Variants in CNP observed in about 807,000 individuals in gnomAD.
CNP encodes 2',3'-cyclic-nucleotide 3'-phosphodiesterase.
A neutral mutation model predicts 37.9 loss-of-function variants in CNP; 8 were observed. That is an observed-to-expected ratio of 0.21 (90% CI 0.12 to 0.38). The LOEUF is 0.38. CNP is among the 10% of genes least tolerant of loss of function. CNP has a pLI of 1.00. For synonymous variants in CNP, 237 were observed against 238.3 expected (o/e 0.99, Z 0.05); for missense variants, 457 against 551.0 (o/e 0.83, Z 1.71).
At position 41,968,611 on chromosome 17, in the gene CNP, A is replaced by G; in HGVS notation, c.547A>G (p.Lys183Glu). ...DLKKLKPGLEKDFLPLYFGWF... is the reference protein window; with the variant it reads ...DLKKLKPGLEEDFLPLYFGWF... ...GAAGAAGCTGAAGCCTGGGCTGGAG[A>G]AGGACTTCCTGCCGCTCTACTTCGG... The change falls in exon 2 of 4, where the codon AAG (lysine) becomes GAG (glutamate). Residue 183 changes from lysine (K) to glutamate (E), a missense_variant. Physicochemically the swap from Lys to Glu is moderately conservative, Grantham distance 56. Transcript: ENST00000393892. This position sits in a 1 kb window ranked among gnomAD's most constrained non-coding sequence, Gnocchi z 4.8. The G allele has an allele frequency of 6.2e-7, 1 of 1,614,022 alleles. No homozygotes were observed. Among genetic ancestry groups the G allele is most frequent in the Admixed American group, 1.7e-5 (1 of 60,004 alleles).
chr17:41,967,132 T>G, intron 1 of CNP: 2 of 387,346 alleles, frequency 5.2e-6, no homozygotes, highest in Non-Finnish European at 8.9e-6. Context: ...CAGAAGCTGC[T>G]GCGCCTCTGG....
chr17:41,977,392 G>A lies in CNP; in HGVS notation c.*3468G>A. ...AAATTAGAAATGTTCGAAGAGAACT[G>A]ATGACACTGAGAACAGATCTCCAAA... On this transcript the variant is annotated 3_prime_UTR_variant, in exon 4 of 4. Transcript: ENST00000393892. The A allele has an allele frequency of 7.3e-7, 1 of 1,364,252 alleles. No homozygotes were observed. The highest frequency in any genetic ancestry group is 1.0e-6 in the Non-Finnish European group (1 of 977,898). 84.5% of individuals were successfully genotyped at this position (1,364,252 alleles called of 1,614,324 possible). A position where few individuals can be genotyped will look rare whatever the true frequency, so the allele number is the denominator to read the frequency against.
In CNP at chr17:41,977,163, C is replaced by G. The variant is rs141817989; in HGVS notation, c.*3239C>G. 49 of 1,238,572 alleles carry G rather than the reference C, an allele frequency of 4.0e-5. No individual in the cohort carries two copies. The African/African-American group carries it at 4.1e-4, about 10-fold the overall frequency. The allele number at this position is 1,238,572 out of a possible 1,614,324, so 76.7% of individuals were successfully genotyped here. ...TGCTAGATGAGAATTCAGCTGCCCC[C>G]GCTCATGGGCCCCTCTGACTCCCAA... is the stretch of plus-strand genomic sequence containing the variant. On this transcript the variant is annotated 3_prime_UTR_variant, in exon 4 of 4. Coordinates refer to ENST00000393892, the MANE Select transcript of CNP (RefSeq NM_033133.5).
intron 2 of CNP, 160 bp from the exon 3 acceptor site, chr17:41,971,732 C>CT: frequency 1.1e-6 from 1 of 905,018 alleles, no homozygotes; most frequent in East Asian, 2.6e-5. Context: ...CTAAAGTTGC[C>CT]ATTAGTTTGA....
Position 41,973,693 on chromosome 17 carries a change from C to A in CNP, c.1035C>A (p.Gly345=), listed in dbSNP as rs2051026818. 1 of 1,613,212 alleles carries A rather than the reference C, an allele frequency of 6.2e-7. No homozygotes were observed. Among genetic ancestry groups the A allele is most frequent in the Admixed American group, 1.7e-5 (1 of 59,972 alleles). Residue 345 remains glycine (G), a synonymous_variant, in exon 4 of 4, where the codon GGC becomes GGA. Transcript: ENST00000393892. ...CTGACGTAGAGGCCGTGCAGACGGG[C>A]CTTGACCTCTTAGAGATTCTGCGGC... ...CAADVEAVQT[G]LDLLEILRQE...
intron 2 of CNP, among the ~76,000 whole-genome samples, chr17:41,969,150 A>G (rs896890081): frequency 3.3e-5 from 5 of 152,194 alleles, no homozygotes; most frequent in Non-Finnish European, 7.3e-5. Flanking sequence ...CAGCAGAATC[A>G]TGTTCCAAAA....
At chr17:41,973,256 G>A (rs1159773023) in intron 3 of CNP, among the ~76,000 whole-genome samples, 25 of 152,238 alleles carry the variant, frequency 1.6e-4, no homozygotes, top group Admixed American at 1.6e-3. Context: ...GTGTGGCCCT[G>A]TCTGAGCGCC....
In CNP at chr17:41,974,888, G is replaced by A. The variant is rs2051051207; in HGVS notation, c.*964G>A. ...TCTTGCCTCCATGGTGCCTCTGGAG[G>A]CCTCTGGGCCTCCTCTAACAGGGGC... On this transcript the variant is annotated 3_prime_UTR_variant, in exon 4 of 4. Transcript: ENST00000393892. 6.6e-6 allele frequency: 1 copy of A among 152,284 alleles called. No individual in the cohort carries two copies. Among genetic ancestry groups the A allele is most frequent in the East Asian group, 1.9e-4 (1 of 5,180 alleles). 9.4% of individuals were successfully genotyped at this position (152,284 alleles called of 1,614,324 possible).
In CNP at chr17:41,976,619, C is replaced by A; in HGVS notation, c.*2695C>A. On this transcript the variant is annotated 3_prime_UTR_variant, in exon 4 of 4. Coordinates refer to ENST00000393892, the MANE Select transcript of CNP (RefSeq NM_033133.5). ...GACACAGGGCATCCAACTGAGAAAA[C>A]GAAACTGCTCTAAGCACACGGAGAC... 7.2e-7 allele frequency: 1 copy of A among 1,396,094 alleles called. No homozygotes were observed. Among genetic ancestry groups the A allele is most frequent in the Admixed American group, 2.5e-5 (1 of 39,660 alleles). The allele number at this position is 1,396,094 out of a possible 1,614,324, so 86.5% of individuals were successfully genotyped here.
chr17:41,973,729 G>C lies in CNP; in HGVS notation c.1071G>C (p.Gly357=). Residue 357 remains glycine, a synonymous_variant, in exon 4 of 4, where the codon GGG becomes GGC. Transcript: ENST00000393892. The stretch of plus-strand genomic sequence containing the variant: ...TAGAGATTCTGCGGCAGGAGAAGGG[G>C]GGCAGCCGAGGCGAGGAGGTGGGCG... ...DLLEILRQEK[G]GSRGEEVGEL... is the part of the protein sequence containing the mutation. 1 of 1,611,860 alleles carries C rather than the reference G, an allele frequency of 6.2e-7. No individual in the cohort carries two copies. Among genetic ancestry groups the C allele is most frequent in the Non-Finnish European group, 8.5e-7 (1 of 1,178,624 alleles).
rs781890591 is a variant in CNP, at chr17:41,976,584, C to G, written c.*2660C>G. The G allele has an allele frequency of 2.6e-4, 260 of 998,198 alleles. 1 individual carries two copies. Among genetic ancestry groups the G allele is most frequent in the Admixed American group, 3.1e-4 (10 of 32,720 alleles). 61.8% of individuals were successfully genotyped at this position (998,198 alleles called of 1,614,324 possible). On this transcript the variant is annotated 3_prime_UTR_variant, in exon 4 of 4. Coordinates refer to ENST00000393892, the MANE Select transcript of CNP (RefSeq NM_033133.5). ...GGCATTGGTTCCCTTTGCTCCACCCCACTCACAGAGACACAGGGCATCCAA... is the reference window on the plus strand; with the variant it reads ...GGCATTGGTTCCCTTTGCTCCACCCGACTCACAGAGACACAGGGCATCCAA...
At position 41,976,650 on chromosome 17, in the gene CNP, GA is replaced by G; in HGVS notation, c.*2728del. ...TGCTCTAAGCACACGGAGACGTGAT[GA>G]AGGGAGGAGGTGAACTGTTTCCACA... is the stretch of plus-strand genomic sequence containing the variant. On this transcript the variant is annotated 3_prime_UTR_variant, in exon 4 of 4. Transcript: ENST00000393892. 1 of 1,551,852 alleles carries G rather than the reference GA, an allele frequency of 6.4e-7. No individual in the cohort carries two copies. Among genetic ancestry groups the G allele is most frequent in the Admixed American group, 1.9e-5 (1 of 52,472 alleles).
intron 2 of CNP, chr17:41,971,511 C>T: frequency 1.2e-5 from 2 of 172,940 alleles, no homozygotes; most frequent in Admixed American, 6.0e-5. Flanking sequence ...CAATTCTCTA[C>T]CTCAGCCTCC....
Position 41,971,873 on chromosome 17 carries a change from A to G in CNP, c.677-19A>G. The G allele has an allele frequency of 1.2e-6, 2 of 1,612,990 alleles. No homozygotes were observed. The highest frequency in any genetic ancestry group is 1.7e-6 in the Non-Finnish European group (2 of 1,179,606). On this transcript the variant is annotated intron_variant, in intron 2 of 3. Coordinates refer to ENST00000393892, the MANE Select transcript of CNP (RefSeq NM_033133.5). ...GCCCCTGCTCCCCTGCCCTGACTGC[A>G]CCCGTTTTCTCCCGGCAGTCGTCCC...
At chr17:41,967,944 G>A in intron 1 of CNP, 124 bp from the exon 2 acceptor site, 1 of 1,495,728 alleles carries the variant, frequency 6.7e-7, no homozygotes, top group Non-Finnish European at 8.9e-7. Flanking sequence ...CGGACCGAAA[G>A]GGAAAGAAGG....
At chr17:41,970,911 C>T (rs1473449990) in intron 2 of CNP, 1 of 152,238 alleles carries the variant, frequency 6.6e-6, no homozygotes, top group African/African-American at 2.4e-5. Context: ...CTCTTTGTGT[C>T]TTCCAGCCCC....
At chr17:41,970,530 C>G (rs1220218401) in intron 2 of CNP, 1 of 151,738 alleles carries the variant, frequency 6.6e-6, no homozygotes, top group Non-Finnish European at 1.5e-5. Context: ...ACCCAAGTAG[C>G]TGGGATTACA....
chr17:41,972,081 G>A (rs782357830), intron 3 of CNP, 50 bp downstream of exon 3: 3 of 1,601,748 alleles, frequency 1.9e-6, no homozygotes, highest in Admixed American at 1.7e-5. Flanking sequence ...TGGGGGAGAA[G>A]GGGCTGCAGC....
chr17:41,967,347 C>A (rs977588469), intron 1 of CNP: 4 of 156,122 alleles, frequency 2.6e-5, no homozygotes, highest in African/African-American at 7.2e-5. Context: ...CTTGTGGCTT[C>A]TAGAAGATAG....
Sources: gnomAD v4.1 joint callset for allele counts (sites outside exome capture counted in the v4.1 genomes callset) on GRCh38, gnomAD v4.1.1 for gene constraint, Gnocchi (gnomAD v3.1) non-coding constraint, MANE v1.5 for transcripts, NCBI Gene and HGNC (gene_info 2026-07-23, HGNC 2026-07-21) for gene names.